Variants in ATRNL1 observed in about 807,000 individuals in gnomAD.
The protein encoded by ATRNL1 is attractin-like protein 1.
Under a neutral mutation model 182.7 loss-of-function variants are expected in ATRNL1, and 95 were observed. The observed-to-expected ratio is 0.52, with a 90% CI of 0.44 to 0.62. ATRNL1 has a LOEUF of 0.62. Ranked by LOEUF, ATRNL1 falls within the 20% of genes least tolerant of loss-of-function variation. ATRNL1 has a pLI of 0.00. For missense variants in ATRNL1, 1,471 were observed against 1,679.5 expected (o/e 0.88, Z 2.17); for synonymous variants, 576 against 568.3 (o/e 1.01, Z -0.19).
chr10:115,809,784 T>C (rs930638268), intron 27 of ATRNL1, among the ~76,000 whole-genome samples: 5 of 152,138 alleles, frequency 3.3e-5, no homozygotes, highest in African/African-American at 1.2e-4. Flanking sequence ...ATGCCTATTA[T>C]TTCTTTTACT....
intron 10 of ATRNL1, among the ~76,000 whole-genome samples, chr10:115,248,846 T>G (rs1554904723): frequency 6.6e-6 from 1 of 152,206 alleles, no homozygotes; most frequent in East Asian, 1.9e-4. Flanking sequence ...TCCAGAAATG[T>G]AATTTTCTAT....
At chr10:115,828,850 C>G (rs1178742102) in intron 27 of ATRNL1, among the ~76,000 whole-genome samples, 1 of 152,010 alleles carries the variant, frequency 6.6e-6, no homozygotes, top group East Asian at 1.9e-4. Flanking sequence ...TAAGAGTCTC[C>G]TAATAAATTT....
chr10:115,906,448 A>G (rs530970998), intron 28 of ATRNL1, among the ~76,000 whole-genome samples: 2 of 152,276 alleles, frequency 1.3e-5, no homozygotes, highest in South Asian at 4.1e-4. Flanking sequence ...AAATCTTAAA[A>G]GGCCCTGGCA....
At chr10:115,475,333 T>C (rs893509627) in intron 24 of ATRNL1, among the ~76,000 whole-genome samples, 1 of 151,586 alleles carries the variant, frequency 6.6e-6, no homozygotes, top group Non-Finnish European at 1.5e-5. Flanking sequence ...CATTATGTAA[T>C]GTATTTTGAT....
At chr10:115,333,501 T>TG (rs1855332956) in intron 18 of ATRNL1, among the ~76,000 whole-genome samples, 1 of 151,432 alleles carries the variant, frequency 6.6e-6, no homozygotes, top group Non-Finnish European at 1.5e-5. Context: ...TTTTTTTTTT[T>TG]GAGACGGAGT....
chr10:115,329,036 A>C (rs1554934258), intron 18 of ATRNL1, among the ~76,000 whole-genome samples: 1 of 151,642 alleles, frequency 6.6e-6, no homozygotes, highest in Non-Finnish European at 1.5e-5. Flanking sequence ...TTTTTGAGAA[A>C]CCTCCAACTG....
intron 26 of ATRNL1, among the ~76,000 whole-genome samples, chr10:115,568,207 G>C (rs782108266): frequency 1.3e-5 from 2 of 151,956 alleles, no homozygotes; most frequent in Non-Finnish European, 2.9e-5. Flanking sequence ...TTAAATCATA[G>C]TGATATGTGT....
intron 27 of ATRNL1, among the ~76,000 whole-genome samples, chr10:115,751,760 G>T (rs570986491): frequency 6.6e-6 from 1 of 152,182 alleles, no homozygotes; most frequent in Non-Finnish European, 1.5e-5. Flanking sequence ...CTAAGTGAAA[G>T]TGGCAAGTTG....
At chr10:115,240,235 T>A (rs1808047486) in intron 9 of ATRNL1, among the ~76,000 whole-genome samples, 1 of 151,650 alleles carries the variant, frequency 6.6e-6, no homozygotes, top group Non-Finnish European at 1.5e-5. Context: ...ATTCTGTAAG[T>A]GAGCTTCATA....
chr10:115,531,755 G>C (rs554137177), intron 25 of ATRNL1, among the ~76,000 whole-genome samples: 4,140 of 150,406 alleles, frequency 0.028, 214 homozygotes, highest in African/African-American at 0.096. Flanking sequence ...GGTTTTTATG[G>C]TTTTAGGTCT....
chr10:115,267,303 A>G (rs1448497243), intron 12 of ATRNL1, among the ~76,000 whole-genome samples: 1 of 151,186 alleles, frequency 6.6e-6, no homozygotes, highest in Non-Finnish European at 1.5e-5. Context: ...CCAGTACATC[A>G]TTTCTAAGAA....
chr10:115,540,946 C>A (rs1053354118), intron 25 of ATRNL1, among the ~76,000 whole-genome samples: 22 of 151,982 alleles, frequency 1.4e-4, no homozygotes, highest in African/African-American at 5.1e-4. Flanking sequence ...AAAATAAATT[C>A]TAGGAGGAAA....
At position 115,627,519 on chromosome 10, in the gene ATRNL1, C is replaced by T. The variant is rs531893498; in HGVS notation, c.3795+77983C>T. Reference sequence around the variant, plus strand: ...AACTGAGATTACAGGCACACACAACCGCGCCTGGCTAATTTTTTGTATTTT... The same window carrying T: ...AACTGAGATTACAGGCACACACAACTGCGCCTGGCTAATTTTTTGTATTTT... On this transcript the variant is annotated intron_variant, in intron 26 of 28. Coordinates refer to ENST00000355044, the MANE Select transcript of ATRNL1 (RefSeq NM_207303.4). 3.0e-4 allele frequency among the ~76,000 whole-genome samples: 45 copies of T among 152,134 alleles called. No individual in the cohort carries two copies. The Middle Eastern group carries it at 0.01, about 34-fold the overall frequency.
chr10:115,693,463 G>C (rs72826810), intron 26 of ATRNL1, among the ~76,000 whole-genome samples: 3 of 152,122 alleles, frequency 2.0e-5, no homozygotes, highest in Non-Finnish European at 2.9e-5. Flanking sequence ...AGTACCTTTT[G>C]TCCAAACCAA....
chr10:115,531,445 C>A (rs1352753449), intron 25 of ATRNL1, among the ~76,000 whole-genome samples: 1 of 152,164 alleles, frequency 6.6e-6, no homozygotes, highest in Admixed American at 6.5e-5. Context: ...AGTGTCTGTT[C>A]ATACCCTTTG....
intron 10 of ATRNL1, among the ~76,000 whole-genome samples, chr10:115,253,901 T>C (rs1425307419): frequency 2.0e-5 from 3 of 152,166 alleles, no homozygotes; most frequent in Non-Finnish European, 4.4e-5. Flanking sequence ...TTTTCTTTCC[T>C]TGTGATAGTT....
At chr10:115,139,329 AC>A (rs1554877479) in intron 5 of ATRNL1, among the ~76,000 whole-genome samples, 1 of 152,154 alleles carries the variant, frequency 6.6e-6, no homozygotes, top group Non-Finnish European at 1.5e-5. Context: ...CTCTACTGGT[AC>A]CAATTTACTG....
At chr10:115,668,218 G>A (rs1861114064) in intron 26 of ATRNL1, among the ~76,000 whole-genome samples, 2 of 151,946 alleles carry the variant, frequency 1.3e-5, no homozygotes, top group South Asian at 2.1e-4. Context: ...CGGTTCTTAC[G>A]AATCCCTACA....
chr10:115,166,084 A>C (rs1847026516), intron 7 of ATRNL1, among the ~76,000 whole-genome samples: 1 of 151,984 alleles, frequency 6.6e-6, no homozygotes, highest in Non-Finnish European at 1.5e-5. Context: ...TCCTCTTGAA[A>C]CCACCAATCT....
Sources: gnomAD v4.1 joint callset for allele counts (sites outside exome capture counted in the v4.1 genomes callset) on GRCh38, gnomAD v4.1.1 for gene constraint, MANE v1.5 for transcripts, NCBI Gene and HGNC (gene_info 2026-07-23, HGNC 2026-07-21) for gene names.